NPAS3: variants seen among roughly 807,000 people sequenced by gnomAD.
NPAS3 encodes the protein neuronal PAS domain protein 3.
Under a neutral mutation model 73.1 loss-of-function variants are expected in NPAS3, and 14 were observed. The ratio of observed to expected loss-of-function variants is 0.19; its 90% CI spans 0.13 to 0.30. The LOEUF (loss-of-function observed/expected upper bound fraction) is 0.30, where lower values mean the gene tolerates loss of function less well. Ranked by LOEUF, NPAS3 falls within the 10% of genes least tolerant of loss-of-function variation. The pLI, the probability that NPAS3 is intolerant of heterozygous loss-of-function variation, is 1.00. For missense variants in NPAS3, 1,096 were observed against 1,250.0 expected (o/e 0.88, Z 1.86); for synonymous variants, 620 against 541.5 (o/e 1.14, Z -2.01).
chr14:33,498,023 T>C (rs188536410), intron 4 of NPAS3, among the ~76,000 whole-genome samples: 3 of 152,200 alleles, frequency 2.0e-5, no homozygotes, highest in Admixed American at 1.3e-4. Flanking sequence ...CATCAAAAAG[T>C]AGGCAAAGGA....
At chr14:33,135,185 C>T (rs2043787457) in intron 2 of NPAS3, among the ~76,000 whole-genome samples, 4 of 152,198 alleles carry the variant, frequency 2.6e-5, no homozygotes, top group Admixed American at 2.6e-4. Flanking sequence ...TGTATGCCAG[C>T]AACCCTTTTC....
intron 2 of NPAS3, among the ~76,000 whole-genome samples, chr14:33,196,589 C>T (rs995819679): frequency 6.6e-6 from 1 of 152,174 alleles, no homozygotes; most frequent in Admixed American, 6.5e-5. Flanking sequence ...CCGAAATCTC[C>T]GCTATACAAA....
At chr14:32,950,539 C>A (rs1241186472) in intron 1 of NPAS3, among the ~76,000 whole-genome samples, 1 of 151,974 alleles carries the variant, frequency 6.6e-6, no homozygotes, top group African/African-American at 2.4e-5. Context: ...CATAGGGAAG[C>A]TTATAACTAT....
At chr14:33,231,149 G>A (rs972073576) in intron 3 of NPAS3, among the ~76,000 whole-genome samples, 5 of 152,124 alleles carry the variant, frequency 3.3e-5, no homozygotes, top group Non-Finnish European at 5.9e-5. Flanking sequence ...TACACTTTGT[G>A]AAATGACAAG....
At chr14:33,401,286 G>A (rs2138751831) in intron 4 of NPAS3, among the ~76,000 whole-genome samples, 1 of 152,162 alleles carries the variant, frequency 6.6e-6, no homozygotes, top group South Asian at 2.1e-4. Flanking sequence ...TTTCTTCTCT[G>A]AGGTGTGCTG....
chr14:33,685,554 G>T (rs1179246394), intron 6 of NPAS3, among the ~76,000 whole-genome samples: 1 of 152,120 alleles, frequency 6.6e-6, no homozygotes, highest in Non-Finnish European at 1.5e-5. Flanking sequence ...GCTTTTTCTG[G>T]CTCTGTAGGA....
intron 3 of NPAS3, among the ~76,000 whole-genome samples, chr14:33,239,423 C>G (rs117995229): frequency 2.3e-4 from 35 of 151,942 alleles, no homozygotes; most frequent in Non-Finnish European, 4.0e-4. Context: ...TAGTAGAAGA[C>G]AGATAACAAA....
chr14:33,437,086 C>T (rs1487877101), intron 4 of NPAS3, among the ~76,000 whole-genome samples: 7 of 152,136 alleles, frequency 4.6e-5, no homozygotes, highest in Non-Finnish European at 7.3e-5. Context: ...AGTCTGTGAG[C>T]CTAGAGGCTG....
At chr14:33,255,145 T>C (rs984345914) in intron 3 of NPAS3, among the ~76,000 whole-genome samples, 1 of 152,202 alleles carries the variant, frequency 6.6e-6, no homozygotes, top group Non-Finnish European at 1.5e-5. Flanking sequence ...TAGCATGTGA[T>C]GGCTAACATA....
At chr14:33,510,096 G>A (rs1181791775) in intron 4 of NPAS3, among the ~76,000 whole-genome samples, 1 of 152,012 alleles carries the variant, frequency 6.6e-6, no homozygotes, top group Non-Finnish European at 1.5e-5. Context: ...CCTCCATAAC[G>A]GTCTTGCAAT....
intron 3 of NPAS3, among the ~76,000 whole-genome samples, chr14:33,261,704 TTA>T (rs1380268288): frequency 6.6e-6 from 1 of 152,198 alleles, no homozygotes; most frequent in Non-Finnish European, 1.5e-5. Context: ...CATAACAATT[TTA>T]TGTGTCAAAG....
intron 6 of NPAS3, among the ~76,000 whole-genome samples, chr14:33,717,279 A>C (rs532990614): frequency 2.4e-4 from 36 of 150,922 alleles, no homozygotes; most frequent in African/African-American, 8.0e-4. Flanking sequence ...CAGTTTCCTC[A>C]GGGACAAAAG....
At position 33,147,759 on chromosome 14, in the gene NPAS3, AC is replaced by A. The variant is rs551744274; in HGVS notation, c.141-67422del. Among the ~76,000 whole-genome samples, 1,216 of 147,122 alleles carry A rather than the reference AC, an allele frequency of 8.3e-3. 20 individuals carry two copies. Among genetic ancestry groups the A allele is most frequent in the African/African-American group, 0.029 (1,156 of 40,108 alleles). ...TATATATATATATATATATATACAC[AC>A]AAAAAAGTTTGGATTAAAAAAAGTA... On this transcript the variant is annotated intron_variant, in intron 2 of 11. Coordinates refer to ENST00000356141, the Ensembl canonical transcript of NPAS3.
chr14:33,087,742 A>G lies in NPAS3; in HGVS notation c.140+31748A>G, dbSNP rs535158591. Among the ~76,000 whole-genome samples, 201 of 152,320 alleles carry G rather than the reference A, an allele frequency of 1.3e-3. 1 individual carries two copies. Among genetic ancestry groups the G allele is most frequent in the South Asian group, 2.9e-3 (14 of 4,828 alleles). On this transcript the variant is annotated intron_variant, in intron 2 of 11. Transcript: ENST00000356141. Reference sequence around the variant, plus strand: ...TCAAGCAAAGGGCATCTCATTGAATAGAGAGTGAAAATTCTGGTATTGTGT... The same window carrying G: ...TCAAGCAAAGGGCATCTCATTGAATGGAGAGTGAAAATTCTGGTATTGTGT...
chr14:33,676,679 T>G (rs2059777451), intron 6 of NPAS3, among the ~76,000 whole-genome samples: 1 of 152,248 alleles, frequency 6.6e-6, no homozygotes, highest in Non-Finnish European at 1.5e-5. Context: ...TGGAATACCC[T>G]CTTCATTTTA....
At chr14:33,709,701 G>T (rs1166011062) in intron 6 of NPAS3, among the ~76,000 whole-genome samples, 1 of 152,152 alleles carries the variant, frequency 6.6e-6, no homozygotes, top group Non-Finnish European at 1.5e-5. Flanking sequence ...AGCCCGCAAA[G>T]GTTTACCGCC....
chr14:32,957,948 T>A (rs2036748337), intron 1 of NPAS3, among the ~76,000 whole-genome samples: 1 of 152,120 alleles, frequency 6.6e-6, no homozygotes, highest in Admixed American at 6.5e-5. Flanking sequence ...GCTTTGGAAT[T>A]ATTGCAGTTA....
At chr14:33,500,990 T>C (rs2052485367) in intron 4 of NPAS3, among the ~76,000 whole-genome samples, 1 of 151,932 alleles carries the variant, frequency 6.6e-6, no homozygotes, top group Admixed American at 6.6e-5. Context: ...CCTTAGAAAA[T>C]GTTTATTTAA....
intron 4 of NPAS3, among the ~76,000 whole-genome samples, chr14:33,421,203 T>C (rs2048345879): frequency 6.6e-6 from 1 of 151,774 alleles, no homozygotes; most frequent in African/African-American, 2.4e-5. Context: ...TTTTTGAAGT[T>C]GTCCGTACTG....
Sources: allele counts gnomAD v4.1 joint callset (sites outside exome capture counted in the v4.1 genomes callset), GRCh38; gene constraint gnomAD v4.1.1; transcripts MANE v1.5; gene names NCBI Gene and HGNC (gene_info 2026-07-23, HGNC 2026-07-21).